CATSPERE: variants seen among roughly 807,000 people sequenced by gnomAD.
CATSPERE encodes catsper channel auxiliary subunit epsilon.
In CATSPERE, 93 loss-of-function variants were observed where a neutral mutation model predicts 114.1. The observed-to-expected ratio is 0.81, with a 90% CI of 0.69 to 0.97. CATSPERE has a LOEUF of 0.97. CATSPERE is among the 50% of genes least tolerant of loss of function. The pLI, the probability that CATSPERE is intolerant of heterozygous loss-of-function variation, is 0.00. For synonymous variants in CATSPERE, 341 were observed against 384.1 expected, an observed-to-expected ratio of 0.89 and a Z score of 1.31; for missense variants, 1,058 against 1,131.6, an observed-to-expected ratio of 0.93 and a Z score of 0.93.
At chr1:244,494,106 A>G (rs1672688389) in intron 6 of CATSPERE, among the ~76,000 whole-genome samples, 2 of 152,130 alleles carry the variant, frequency 1.3e-5, no homozygotes. Context: ...TACTGGGTAT[A>G]TACCCAAAGG....
intron 21 of CATSPERE, chr1:244,636,874 T>C (rs1674686040): frequency 6.6e-6 from 1 of 152,210 alleles, no homozygotes; most frequent in Admixed American, 6.5e-5. Context: ...TGGAGATGAG[T>C]TTGTAGAAGG....
At chr1:244,608,671 G>C (rs1434784506) in intron 18 of CATSPERE, among the ~76,000 whole-genome samples, 1 of 152,050 alleles carries the variant, frequency 6.6e-6, no homozygotes, top group Non-Finnish European at 1.5e-5. Flanking sequence ...GCCATCTGCT[G>C]TACTGAACCC....
chr1:244,606,931 T>A (rs1401869142), intron 18 of CATSPERE, among the ~76,000 whole-genome samples: 3 of 152,090 alleles, frequency 2.0e-5, no homozygotes, highest in African/African-American at 7.2e-5. Flanking sequence ...ACCAAATACA[T>A]CCGTCCCACC....
intron 21 of CATSPERE, among the ~76,000 whole-genome samples, chr1:244,639,559 G>T (rs1022689454): frequency 6.6e-6 from 1 of 151,940 alleles, no homozygotes; most frequent in Non-Finnish European, 1.5e-5. Flanking sequence ...GTGTGGTGGT[G>T]CCCTCCTGTA....
chr1:244,637,541 A>AT (rs144349315), intron 21 of CATSPERE, among the ~76,000 whole-genome samples: 17,789 of 152,040 alleles, frequency 0.12, 1,126 homozygotes, highest in African/African-American at 0.14. Context: ...CAGCTTGTTA[A>AT]TCCATGACAC....
At chr1:244,604,707 G>A (rs930945002) in intron 17 of CATSPERE, among the ~76,000 whole-genome samples, 32 of 152,212 alleles carry the variant, frequency 2.1e-4, no homozygotes, top group African/African-American at 7.0e-4. Context: ...AGTAACTGAC[G>A]GAGAAGGAAA....
chr1:244,475,670 G>A (rs1163246907), intron 2 of CATSPERE, among the ~76,000 whole-genome samples: 1 of 151,528 alleles, frequency 6.6e-6, no homozygotes, highest in East Asian at 1.9e-4. Context: ...CTGAGTAGCT[G>A]GGATTACAGG....
At chr1:244,451,673 G>C (rs902288957), upstream of CATSPERE, 7 of 1,611,872 alleles carry the variant, frequency 4.3e-6, no homozygotes, top group Admixed American at 5.0e-5. This position sits in a 1 kb window ranked among gnomAD's most constrained non-coding sequence, Gnocchi z 6.6. Flanking sequence ...TGCGCCAGCA[G>C]GTCCACCACC....
chr1:244,536,004 C>G (rs570245192), intron 8 of CATSPERE, among the ~76,000 whole-genome samples: 14 of 152,148 alleles, frequency 9.2e-5, no homozygotes, highest in African/African-American at 3.4e-4. Flanking sequence ...GGGTCCTTCT[C>G]TTCAAGGCAG....
intron 21 of CATSPERE, chr1:244,636,497 G>A (rs1674644903): frequency 6.6e-6 from 1 of 152,194 alleles, no homozygotes; most frequent in Non-Finnish European, 1.5e-5. Flanking sequence ...CCTTTTCCTA[G>A]TGACTTTTCC....
chr1:244,461,817 T>C (rs1666860415), intron 1 of CATSPERE, among the ~76,000 whole-genome samples: 1 of 152,182 alleles, frequency 6.6e-6, no homozygotes, highest in African/African-American at 2.4e-5. Context: ...GGGCGGGGGT[T>C]GTCTGTTTGT....
At chr1:244,533,194 C>A (rs982783090) in intron 8 of CATSPERE, among the ~76,000 whole-genome samples, 8 of 151,984 alleles carry the variant, frequency 5.3e-5, no homozygotes, top group Non-Finnish European at 8.8e-5. Context: ...TTTGTGCTTT[C>A]CATTTGCATT....
intron 9 of CATSPERE, among the ~76,000 whole-genome samples, chr1:244,553,622 C>CACACACACACACACACACATATATACAT (rs1661091775): frequency 3.5e-5 from 5 of 141,300 alleles, no homozygotes; most frequent in African/African-American, 1.4e-4. Context: ...CACACACACA[C>CACACACACACACACACACATATATACAT]ACACACACAC....
Position 244,462,480 on chromosome 1 carries a change from T to G in CATSPERE, c.65+986T>G, listed in dbSNP as rs191538377. Among the ~76,000 whole-genome samples, 37 of 152,296 alleles carry G rather than the reference T, an allele frequency of 2.4e-4. No individual in the cohort carries two copies. In the East Asian group the frequency reaches 7.1e-3, roughly 29 times the overall value. ...AGGGAGCAGGTGAGGAGAAAAGGCCTGCCAGGAAAGGTCATTTCATCCTTT... is the reference window on the plus strand; with the variant it reads ...AGGGAGCAGGTGAGGAGAAAAGGCCGGCCAGGAAAGGTCATTTCATCCTTT... On this transcript the variant is annotated intron_variant, in intron 1 of 21. Coordinates refer to ENST00000366534, the MANE Select transcript of CATSPERE (RefSeq NM_001130957.2).
chr1:244,513,874 C>T (rs2148340931), intron 7 of CATSPERE, among the ~76,000 whole-genome samples: 1 of 152,262 alleles, frequency 6.6e-6, no homozygotes, highest in South Asian at 2.1e-4. Flanking sequence ...GTGTGTATGG[C>T]CACTGGCTGT....
intron 13 of CATSPERE, among the ~76,000 whole-genome samples, chr1:244,584,201 A>G (rs147241951): frequency 6.6e-6 from 1 of 152,226 alleles, no homozygotes; most frequent in African/African-American, 2.4e-5. Context: ...TTGTATGCCT[A>G]CTCTGTTTCT....
Position 244,504,170 on chromosome 1 carries a change from G to A in CATSPERE, c.429+5091G>A, listed in dbSNP as rs560068339. On this transcript the variant is annotated intron_variant, in intron 7 of 21. Transcript: ENST00000366534. The surrounding 1 kb of genome is among the most constrained non-coding windows in gnomAD (Gnocchi z 4.1). The stretch of plus-strand genomic sequence containing the variant: ...AAATAAAAGAGCACACAAATATCCA[G>A]CTATTTATCTGCACTTGAAATACTG... Among the ~76,000 whole-genome samples, 1 of 152,238 alleles carries A rather than the reference G, an allele frequency of 6.6e-6. No individual in the cohort carries two copies.
intron 6 of CATSPERE, among the ~76,000 whole-genome samples, chr1:244,493,106 A>G (rs1672499658): frequency 6.6e-6 from 1 of 151,840 alleles, no homozygotes; most frequent in South Asian, 2.1e-4. Flanking sequence ...TTTAAAGTTC[A>G]TATGGAACCA....
intron 8 of CATSPERE, among the ~76,000 whole-genome samples, chr1:244,543,760 C>A (rs944903405): frequency 6.6e-6 from 1 of 151,526 alleles, no homozygotes; most frequent in Non-Finnish European, 1.5e-5. Flanking sequence ...TATATATCCT[C>A]TTGACAAGAT....
Sources: allele counts gnomAD v4.1 joint callset (sites outside exome capture counted in the v4.1 genomes callset), GRCh38; gene constraint gnomAD v4.1.1; non-coding constraint Gnocchi (gnomAD v3.1); transcripts MANE v1.5; gene names NCBI Gene and HGNC (gene_info 2026-07-23, HGNC 2026-07-21).